The following TGM2 variants were observed in gnomAD, a reference collection of about 807,000 sequenced individuals.
The protein encoded by TGM2 is protein-glutamine gamma-glutamyltransferase 2.
Under a neutral mutation model 75.6 loss-of-function variants are expected in TGM2, and 53 were observed. The observed-to-expected ratio is 0.70, with a 90% CI of 0.56 to 0.88. TGM2 has a LOEUF of 0.88. Among genes scored for constraint, TGM2 ranks in the 40% least tolerant of loss-of-function variants. TGM2 has a pLI of 0.00. For missense variants in TGM2, 842 were observed against 928.5 expected, an observed-to-expected ratio of 0.91 and a Z score of 1.21; for synonymous variants, 374 against 381.1, an observed-to-expected ratio of 0.98 and a Z score of 0.22.
In TGM2 at chr20:38,147,949, C is replaced by A; in HGVS notation, c.681+12G>T. The A allele has an allele frequency of 2.5e-6, 4 of 1,606,954 alleles. No individual in the cohort carries two copies. The highest frequency in any genetic ancestry group is 2.1e-4 in the Middle Eastern group (1 of 4,732). On this transcript the variant is annotated intron_variant, in intron 5 of 12. Coordinates refer to ENST00000361475, the MANE Select transcript of TGM2 (RefSeq NM_004613.4). ...AGGCCCCGCCCCTGGATGGGCCATG[C>A]CACTCACTCACCATGCCACTCACCA...
intron 5 of TGM2, among the ~76,000 whole-genome samples, chr20:38,147,409 C>A (rs2075059275): frequency 1.3e-5 from 2 of 152,300 alleles, no homozygotes; most frequent in Admixed American, 6.5e-5. Context: ...TTCCTCAAAC[C>A]TGCCAAAGTC....
At chr20:38,153,930 C>T (rs954267704) in intron 3 of TGM2, among the ~76,000 whole-genome samples, 3 of 152,200 alleles carry the variant, frequency 2.0e-5, no homozygotes, top group African/African-American at 7.2e-5. Context: ...GATCCTCCCA[C>T]CTTAACCTCC....
intron 3 of TGM2, among the ~76,000 whole-genome samples, chr20:38,152,768 C>T (rs1273251710): frequency 6.6e-6 from 1 of 152,276 alleles, no homozygotes; most frequent in Admixed American, 6.5e-5. Flanking sequence ...CCTGCCTCTG[C>T]ATCACCAGCT....
At chr20:38,135,512 A>G (rs1489355384) in intron 10 of TGM2, among the ~76,000 whole-genome samples, 2 of 152,026 alleles carry the variant, frequency 1.3e-5, no homozygotes, top group African/African-American at 2.4e-5. Context: ...GGGAACCCAT[A>G]GCCTTGCTGG....
intron 4 of TGM2, among the ~76,000 whole-genome samples, chr20:38,148,665 G>T (rs1317033036): frequency 2.0e-5 from 3 of 152,086 alleles, no homozygotes; most frequent in Admixed American, 6.5e-5. Flanking sequence ...TTCATGATCT[G>T]CTCCCATCCC....
At chr20:38,146,444 C>A in intron 6 of TGM2, 2 of 536,016 alleles carry the variant, frequency 3.7e-6, no homozygotes, top group African/African-American at 1.9e-5. Context: ...GTTAAAAATC[C>A]TGAGTTTTTG....
chr20:38,165,443 C>G (rs2075302299), upstream of TGM2: 3 of 578,986 alleles, frequency 5.2e-6, no homozygotes, highest in Non-Finnish European at 9.0e-6. Flanking sequence ...GGCGGCCGGA[C>G]GAGGGCGCCC....
At chr20:38,156,721 T>C (rs2075192655) in intron 2 of TGM2, among the ~76,000 whole-genome samples, 1 of 152,062 alleles carries the variant, frequency 6.6e-6, no homozygotes, top group Non-Finnish European at 1.5e-5. Flanking sequence ...ATGCTGGTCA[T>C]AACGACCCCT....
chr20:38,132,271 G>A (rs45522634), intron 11 of TGM2, 69 bp downstream of exon 11: 1 of 1,554,862 alleles, frequency 6.4e-7, no homozygotes, highest in Non-Finnish European at 8.9e-7. Context: ...TGGGGTGGGG[G>A]TAGGGATCTG....
At chr20:38,135,430 C>CACACACACACACACACAT (rs1226871340) in intron 10 of TGM2, among the ~76,000 whole-genome samples, 1 of 150,900 alleles carries the variant, frequency 6.6e-6, no homozygotes, top group Non-Finnish European at 1.5e-5. Flanking sequence ...CACACACACA[C>CACACACACACACACACAT]ACATACACAC....
At position 38,141,388 on chromosome 20, in the gene TGM2, G is replaced by A. The variant is rs1260766464; in HGVS notation, c.996-3C>T. ...ACTCCACCCAGCAGTGGAAGTTCCT[G>A]AGGGGGATAGGGGGGCGGGAATGAA... On this transcript the variant is annotated splice_region_variant and splice_polypyrimidine_tract_variant and intron_variant, in intron 7 of 12. Transcript: ENST00000361475. 6.4e-7 allele frequency: 1 copy of A among 1,572,516 alleles called. No homozygotes were observed. The highest frequency in any genetic ancestry group is 1.2e-5 in the South Asian group (1 of 85,638).
intron 6 of TGM2, chr20:38,145,589 T>A (rs753037251): frequency 8.6e-5 from 13 of 151,852 alleles, no homozygotes; most frequent in Admixed American, 2.6e-4. Context: ...ACATATTAAC[T>A]CATTTAATCC....
chr20:38,144,918 C>T (rs2075026142), intron 6 of TGM2, among the ~76,000 whole-genome samples: 1 of 152,338 alleles, frequency 6.6e-6, no homozygotes, highest in South Asian at 2.1e-4. Context: ...ATCTGCTGCT[C>T]AATCTTCAGG....
chr20:38,160,406 G>A (rs1568703992), intron 2 of TGM2, among the ~76,000 whole-genome samples: 1 of 152,182 alleles, frequency 6.6e-6, no homozygotes, highest in South Asian at 2.1e-4. Context: ...CTGGGGACTT[G>A]GTGTCCCTTT....
chr20:38,134,936 G>T (rs1055898182), intron 10 of TGM2, among the ~76,000 whole-genome samples: 1 of 152,214 alleles, frequency 6.6e-6, no homozygotes, highest in African/African-American at 2.4e-5. Context: ...TCCAACAGGG[G>T]ACTTGGACCA....
upstream of TGM2, chr20:38,165,298 T>G (rs1260906558): frequency 8.4e-6 from 13 of 1,542,236 alleles, no homozygotes; most frequent in Admixed American, 1.7e-5. Flanking sequence ...CGCTAACTTA[T>G]AGCCCGCTTT....
At position 38,149,468 on chromosome 20, in the gene TGM2, G is replaced by C. The variant is rs566613664; in HGVS notation, c.553-1379C>G. Among the ~76,000 whole-genome samples the C allele has an allele frequency of 2.0e-5, 3 of 152,162 alleles. 1 individual carries two copies. The East Asian group carries it at 5.8e-4, about 29-fold the overall frequency. ...TGAGGCAGGCGGATCACGAGGTCAG[G>C]AGATCGAGACCATCCTGGTTAACAC... On this transcript the variant is annotated intron_variant, in intron 4 of 12. Coordinates refer to ENST00000361475, the MANE Select transcript of TGM2 (RefSeq NM_004613.4).
At chr20:38,162,222 C>G (rs1326633818) in intron 1 of TGM2, among the ~76,000 whole-genome samples, 1 of 152,194 alleles carries the variant, frequency 6.6e-6, no homozygotes, top group Non-Finnish European at 1.5e-5. Flanking sequence ...CTGGTGTGAG[C>G]AAGAAATGAA....
Position 38,148,885 on chromosome 20 carries a change from C to T in TGM2, c.553-796G>A, listed in dbSNP as rs150418300. Among the ~76,000 whole-genome samples the T allele has an allele frequency of 5.0e-3, 766 of 152,314 alleles. 5 individuals carry two copies. Among genetic ancestry groups the T allele is most frequent in the African/African-American group, 0.018 (736 of 41,558 alleles). The stretch of plus-strand genomic sequence containing the variant: ...CACCTTCCACTGGACCACCCACCTC[C>T]AGGGGCCCTTCTGTCTGCTCTTTTC... On this transcript the variant is annotated intron_variant, in intron 4 of 12. Transcript: ENST00000361475.
Sources: gnomAD v4.1 joint callset for allele counts (sites outside exome capture counted in the v4.1 genomes callset) on GRCh38, gnomAD v4.1.1 for gene constraint, MANE v1.5 for transcripts, NCBI Gene and HGNC (gene_info 2026-07-23, HGNC 2026-07-21) for gene names.